The following SUFU variants were observed in gnomAD, a reference collection of about 807,000 sequenced individuals.
The protein encoded by SUFU is suppressor of fused homolog.
Under a neutral mutation model 58.9 loss-of-function variants are expected in SUFU, and 7 were observed. That is an observed-to-expected ratio of 0.12 (90% CI 0.07 to 0.22). The LOEUF (loss-of-function observed/expected upper bound fraction) is 0.22, where lower values mean the gene tolerates loss of function less well. Ranked by LOEUF, SUFU falls within the 10% of genes least tolerant of loss-of-function variation. The probability of loss-of-function intolerance (pLI) is 1.00; values close to 1 mark genes in which losing one functional copy is unlikely to be tolerated. For missense variants in SUFU, 451 were observed against 641.3 expected (o/e 0.70, Z 3.20); for synonymous variants, 232 against 254.8 (o/e 0.91, Z 0.85).
intron 3 of SUFU, among the ~76,000 whole-genome samples, chr10:102,571,788 C>T (rs2063164178): frequency 6.6e-6 from 1 of 152,232 alleles, no homozygotes; most frequent in South Asian, 2.1e-4. Context: ...TGGCCAGGGC[C>T]TTGCAAGGCT....
chr10:102,533,071 T>C (rs2135701529), intron 2 of SUFU, among the ~76,000 whole-genome samples: 1 of 151,694 alleles, frequency 6.6e-6, no homozygotes, highest in Non-Finnish European at 1.5e-5. Context: ...GGGGGCAGAG[T>C]TGCCAGAACT....
chr10:102,583,648 C>T (rs1275652646), intron 3 of SUFU, among the ~76,000 whole-genome samples: 1 of 152,120 alleles, frequency 6.6e-6, no homozygotes. Flanking sequence ...CCAGCCTTTT[C>T]CCTGTTTCCA....
At chr10:102,592,296 C>T (rs147250653) in intron 3 of SUFU, among the ~76,000 whole-genome samples, 97 of 152,302 alleles carry the variant, frequency 6.4e-4, no homozygotes, top group African/African-American at 2.0e-3. Context: ...ATTGGGGAAG[C>T]GAAGCAGATG....
chr10:102,601,652 C>T (rs1181075682), intron 8 of SUFU, among the ~76,000 whole-genome samples: 1 of 152,154 alleles, frequency 6.6e-6, no homozygotes, highest in East Asian at 1.9e-4. Context: ...TCCAACACAC[C>T]CCTCAAGCCT....
chr10:102,607,727 A>G (rs1165470006), intron 8 of SUFU, among the ~76,000 whole-genome samples: 1 of 152,168 alleles, frequency 6.6e-6, no homozygotes, highest in Admixed American at 6.5e-5. Flanking sequence ...TGGCCTGGCC[A>G]ACATGGTGAA....
chr10:102,632,895 T>G lies in SUFU; in HGVS notation c.*2740T>G. The G allele has an allele frequency of 4.3e-6, 1 of 233,616 alleles. No homozygotes were observed. Among genetic ancestry groups the G allele is most frequent in the Non-Finnish European group, 8.5e-6 (1 of 118,326 alleles). 14.5% of individuals were successfully genotyped at this position (233,616 alleles called of 1,614,324 possible). A position where few individuals can be genotyped will look rare whatever the true frequency, so the allele number is the denominator to read the frequency against. ...CTCAGCTGCAATTCTGAGGGGGGTTTGGGAGGCTTGTGCGAGGTCTCAGGC... is the reference window on the plus strand; with the variant it reads ...CTCAGCTGCAATTCTGAGGGGGGTTGGGGAGGCTTGTGCGAGGTCTCAGGC... On this transcript the variant is annotated 3_prime_UTR_variant, in exon 12 of 12. Coordinates refer to ENST00000369902, the MANE Select transcript of SUFU (RefSeq NM_016169.4).
chr10:102,527,502 T>C (rs965578589), intron 2 of SUFU, among the ~76,000 whole-genome samples: 4 of 150,880 alleles, frequency 2.7e-5, no homozygotes, highest in East Asian at 1.9e-4. Context: ...CATTAAGATA[T>C]ATATATATAT....
chr10:102,534,807 G>A (rs2062716342), intron 2 of SUFU, among the ~76,000 whole-genome samples: 1 of 152,202 alleles, frequency 6.6e-6, no homozygotes, highest in South Asian at 2.1e-4. Context: ...GGCAGCCTCT[G>A]TAAAGCCCTA....
rs2063819087 is a variant in SUFU, at chr10:102,629,623, A to G, written c.1366-443A>G. On this transcript the variant is annotated intron_variant, in intron 11 of 11. Transcript: ENST00000369902. This position sits in a 1 kb window ranked among gnomAD's most constrained non-coding sequence, Gnocchi z 4.7. ...GCCAAGTATACAGAGGACAGGTTCC[A>G]GGGTTCTTCCTGCACTAGCCTCTGA... 6.6e-6 allele frequency among the ~76,000 whole-genome samples: 1 copy of G among 152,170 alleles called. No individual in the cohort carries two copies. The highest frequency in any genetic ancestry group is 1.5e-5 in the Non-Finnish European group (1 of 68,020).
intron 2 of SUFU, among the ~76,000 whole-genome samples, chr10:102,525,134 G>A (rs1564664804): frequency 6.6e-6 from 1 of 151,926 alleles, no homozygotes; most frequent in African/African-American, 2.4e-5. Flanking sequence ...TTTTTGAGAC[G>A]GAGTCTCTCT....
chr10:102,585,631 C>T (rs1037818042), intron 3 of SUFU, among the ~76,000 whole-genome samples: 1 of 152,068 alleles, frequency 6.6e-6, no homozygotes, highest in African/African-American at 2.4e-5. Flanking sequence ...TTCAACCTCC[C>T]GAGTACCTGG....
At chr10:102,545,987 T>TA (rs1387658170) in intron 2 of SUFU, among the ~76,000 whole-genome samples, 1 of 152,074 alleles carries the variant, frequency 6.6e-6, no homozygotes, top group East Asian at 1.9e-4. Context: ...TATAAATAAA[T>TA]AATGGTGTTG....
rs973910875 is a variant in SUFU, at chr10:102,625,527, G to A, written c.1297-1648G>A. Among the ~76,000 whole-genome samples, 8 of 152,192 alleles carry A rather than the reference G, an allele frequency of 5.3e-5. No homozygotes were observed. The highest frequency in any genetic ancestry group is 1.9e-4 in the African/African-American group (8 of 41,444). ...TTCATGCCTGTGTCCCTGGAAGGAT[G>A]AATGGATGAGTTAGTGTCCTGGGGG... On this transcript the variant is annotated intron_variant, in intron 10 of 11. Coordinates refer to ENST00000369902, the MANE Select transcript of SUFU (RefSeq NM_016169.4). This position sits in a 1 kb window ranked among gnomAD's most constrained non-coding sequence, Gnocchi z 4.7.
At chr10:102,502,871 G>A (rs2296590), upstream of SUFU, among the ~76,000 whole-genome samples, 53,411 of 152,118 alleles carry the variant, frequency 0.35, 9,539 homozygotes, top group African/African-American at 0.39. Context: ...TTTCCAATGC[G>A]CAGTACCCTG....
intron 8 of SUFU, among the ~76,000 whole-genome samples, chr10:102,613,017 T>C (rs2063642305): frequency 6.6e-6 from 1 of 152,154 alleles, no homozygotes. Context: ...ATGTCTCCAC[T>C]GAGCCCTCAC....
Position 102,593,584 on chromosome 10 carries a change from G to C in SUFU, c.598-52G>C, listed in dbSNP as rs1054247825. On this transcript the variant is annotated intron_variant, in intron 4 of 11. Transcript: ENST00000369902. ...GAGAGCCTGGGTAGCTGACCTTCTT[G>C]GGGTGGGGGGTGGCCATTAACACAC... 1.9e-6 allele frequency: 3 copies of C among 1,586,000 alleles called. No homozygotes were observed. The African/African-American group carries it at 4.0e-5, about 21-fold the overall frequency.
In SUFU at chr10:102,630,308, C is replaced by A; in HGVS notation, c.*153C>A. 1.4e-6 allele frequency: 1 copy of A among 690,868 alleles called. No homozygotes were observed. Among genetic ancestry groups the A allele is most frequent in the South Asian group, 1.6e-5 (1 of 60,646 alleles). 42.8% of individuals were successfully genotyped at this position (690,868 alleles called of 1,614,324 possible). The stretch of plus-strand genomic sequence containing the variant: ...CCCCGCAGCCCAGTGGGGTGCCATG[C>A]ACAGGCCACAGGCCCTCCACCTCAC... On this transcript the variant is annotated 3_prime_UTR_variant, in exon 12 of 12. Coordinates refer to ENST00000369902, the MANE Select transcript of SUFU (RefSeq NM_016169.4).
At position 102,631,207 on chromosome 10, in the gene SUFU, T is replaced by G. The variant is rs571752387; in HGVS notation, c.*1052T>G. 8.6e-6 allele frequency: 2 copies of G among 233,472 alleles called. No individual in the cohort carries two copies. The highest frequency in any genetic ancestry group is 1.7e-5 in the Non-Finnish European group (2 of 118,200). 14.5% of individuals were successfully genotyped at this position (233,472 alleles called of 1,614,324 possible). Reference sequence around the variant, plus strand: ...GGCTGTAGGGCTGCCTTACTAAAATTGAAAAATCCACCTCTTAACATCTCT... The same window carrying G: ...GGCTGTAGGGCTGCCTTACTAAAATGGAAAAATCCACCTCTTAACATCTCT... On this transcript the variant is annotated 3_prime_UTR_variant, in exon 12 of 12. Coordinates refer to ENST00000369902, the MANE Select transcript of SUFU (RefSeq NM_016169.4).
intron 2 of SUFU, among the ~76,000 whole-genome samples, chr10:102,520,452 T>C (rs1161837168): frequency 6.6e-6 from 1 of 151,856 alleles, no homozygotes; most frequent in African/African-American, 2.4e-5. Flanking sequence ...ACTCCTGACC[T>C]CAGGTGATCC....
Sources: gnomAD v4.1 joint callset for allele counts (sites outside exome capture counted in the v4.1 genomes callset) on GRCh38, gnomAD v4.1.1 for gene constraint, Gnocchi (gnomAD v3.1) non-coding constraint, MANE v1.5 for transcripts, NCBI Gene and HGNC (gene_info 2026-07-23, HGNC 2026-07-21) for gene names.